The following PADI1 variants were observed in gnomAD, a reference collection of about 807,000 sequenced individuals.
PADI1 encodes peptidyl arginine deiminase 1.
Under a neutral mutation model 74.8 loss-of-function variants are expected in PADI1, and 65 were observed. The observed-to-expected ratio is 0.87, with a 90% CI of 0.71 to 1.07. PADI1 has a LOEUF of 1.07. Ranked by LOEUF, PADI1 falls within the 50% of genes least tolerant of loss-of-function variation. PADI1 has a pLI of 0.00. For missense variants in PADI1, 943 were observed against 854.0 expected (o/e 1.10, Z -1.30); for synonymous variants, 371 against 336.2 (o/e 1.10, Z -1.13).
rs765307163 is a variant in PADI1 at position 17,244,314 on chromosome 1, C to A, written c.*71C>A. 8.8e-7 allele frequency: 1 copy of A among 1,134,412 alleles called. No individual in the cohort carries two copies. The highest frequency in any genetic ancestry group is 1.3e-6 in the Non-Finnish European group (1 of 744,698). 70.3% of individuals were successfully genotyped at this position (1,134,412 alleles called of 1,614,324 possible). ...CTGCCAGGGTGAAGGCAAGGAACAA[C>A]CACCTGGCCTCCATTCTCTTGGGGG... On this transcript the variant is annotated 3_prime_UTR_variant, in exon 16 of 16. Coordinates refer to ENST00000375471, the MANE Select transcript of PADI1 (RefSeq NM_013358.3).
chr1:17,243,987 C>T (rs2072828396), intron 15 of PADI1, 23 bp from the exon 16 acceptor site: 1 of 1,554,436 alleles, frequency 6.4e-7, no homozygotes, highest in African/African-American at 1.4e-5. Context: ...GACAGCCTCC[C>T]TCTTGCCTTT....
Position 17,228,962 on chromosome 1 carries a change from G to T in PADI1, c.840G>T (p.Val280=). ...TTTCCCCTCAGACCCTGCCCGAGGTGACCCTCTTCACAGACACTGTGGGCT... is the reference window on the plus strand; with the variant it reads ...TTTCCCCTCAGACCCTGCCCGAGGTTACCCTCTTCACAGACACTGTGGGCT... ...SLVDPGTLPE[V]TLFTDTVGFR... The change falls in exon 8 of 16, where the codon GTG becomes GTT. Residue 280 remains valine (V), a synonymous_variant. Coordinates refer to ENST00000375471, the MANE Select transcript of PADI1 (RefSeq NM_013358.3). The T allele has an allele frequency of 5.6e-6, 9 of 1,599,676 alleles. No homozygotes were observed. The highest frequency in any genetic ancestry group is 7.7e-6 in the Non-Finnish European group (9 of 1,172,270).
Position 17,224,399 on chromosome 1 carries a change from G to T in PADI1, c.379G>T (p.Gly127Cys). 3.7e-6 allele frequency: 6 copies of T among 1,614,030 alleles called. No homozygotes were observed. Among genetic ancestry groups the T allele is most frequent in the Non-Finnish European group, 5.1e-6 (6 of 1,179,952 alleles). ...CCTTGAGGTTGACACAGGCCGCACAGGCAAGGTGAAGAGGAGCCAAGGGGA... is the reference window on the plus strand; with the variant it reads ...CCTTGAGGTTGACACAGGCCGCACATGCAAGGTGAAGAGGAGCCAAGGGGA... Reference protein sequence around the residue: ...ISLEVDTGRTGKVKRSQGDKK... With the variant: ...ISLEVDTGRTCKVKRSQGDKK... The change falls in exon 4 of 16, where the codon GGC (glycine) becomes TGC (cysteine). Residue 127 changes from glycine to cysteine, a missense_variant. By Grantham distance (159) the Gly-to-Cys change is radical. Transcript: ENST00000375471.
intron 11 of PADI1, among the ~76,000 whole-genome samples, chr1:17,236,520 C>G (rs11203340): frequency 0.26 from 40,022 of 152,020 alleles, 5,435 homozygotes; most frequent in Middle Eastern, 0.31. Flanking sequence ...TGTGGGAGGC[C>G]GAGGTGGGGG....
intron 10 of PADI1, among the ~76,000 whole-genome samples, 185 bp downstream of exon 10, chr1:17,230,864 T>C (rs2072472245): frequency 6.6e-6 from 1 of 152,156 alleles, no homozygotes; most frequent in East Asian, 1.9e-4. Flanking sequence ...GAGGAAATGA[T>C]ATGCAAATCA....
At chr1:17,222,196 C>T (rs776894420) in intron 1 of PADI1, 94 bp from the exon 2 acceptor site, 79 of 851,978 alleles carry the variant, frequency 9.3e-5, no homozygotes, top group East Asian at 3.1e-4. Context: ...GCCATTTGAA[C>T]GGCCTGGCAG....
At chr1:17,230,954 T>C (rs1192142580) in intron 10 of PADI1, among the ~76,000 whole-genome samples, 3 of 152,162 alleles carry the variant, frequency 2.0e-5, no homozygotes. Flanking sequence ...AGGCGGCTGG[T>C]CACCAAGGGG....
At position 17,229,533 on chromosome 1, in the gene PADI1, G is replaced by A. The variant is rs190220891; in HGVS notation, c.929+482G>A. 1.0e-3 allele frequency among the ~76,000 whole-genome samples: 158 copies of A among 152,286 alleles called. 1 individual carries two copies. Among genetic ancestry groups the A allele is most frequent in the African/African-American group, 3.5e-3 (146 of 41,550 alleles). On this transcript the variant is annotated intron_variant, in intron 8 of 15. Coordinates refer to ENST00000375471, the MANE Select transcript of PADI1 (RefSeq NM_013358.3). ...TGCCCTTGAGGGAAGGATCAGCCTC[G>A]ATTGGCAAAGCCCTGCCAGGCCTCT...
chr1:17,231,751 C>G (rs979732833), intron 10 of PADI1, among the ~76,000 whole-genome samples: 17 of 147,638 alleles, frequency 1.2e-4, no homozygotes, highest in Admixed American at 2.0e-4. Context: ...ATGTTTCAGC[C>G]TTTTCTTTTT....
rs991787403 is a variant in PADI1, at chr1:17,230,227, T to C, written c.1053+19T>C. 6 of 1,609,210 alleles carry C rather than the reference T, an allele frequency of 3.7e-6. No individual in the cohort carries two copies. The highest frequency in any genetic ancestry group is 1.7e-4 in the Middle Eastern group (1 of 6,056). ...GATCCAGGTGGGAGCTGGGGGCAGC[T>C]CGGGAAGCCTGCAGCCTGGCTTGGG... On this transcript the variant is annotated intron_variant, in intron 9 of 15. Coordinates refer to ENST00000375471, the MANE Select transcript of PADI1 (RefSeq NM_013358.3).
intron 2 of PADI1, among the ~76,000 whole-genome samples, chr1:17,222,779 C>T (rs2072194242): frequency 6.6e-6 from 1 of 152,196 alleles, no homozygotes; most frequent in Admixed American, 6.5e-5. Flanking sequence ...ACACACGGAC[C>T]CAGCAAGATG....
chr1:17,227,983 T>C (rs2072370078), intron 6 of PADI1, among the ~76,000 whole-genome samples: 1 of 152,200 alleles, frequency 6.6e-6, no homozygotes, highest in African/African-American at 2.4e-5. Flanking sequence ...CATGAATCAG[T>C]GCTTCATTAC....
rs1442477804 is a variant in PADI1 at position 17,237,458 on chromosome 1, G to A, written c.1458G>A (p.Lys486=). 2.5e-6 allele frequency: 4 copies of A among 1,608,140 alleles called. No individual in the cohort carries two copies. In the Admixed American group the frequency reaches 6.7e-5, roughly 27 times the overall value. The change falls in exon 12 of 16, where the codon AAG becomes AAA. Residue 486 remains lysine, a splice_region_variant and synonymous_variant. Transcript: ENST00000375471. ...CCTTTGTGCCTACCTCTGACCAAAA[G>A]GTGCGTCCCCTCCTTCCCTGCCTGA... is the stretch of plus-strand genomic sequence containing the variant. ...FLTFVPTSDQ[K]GFRLLLASPS...
intron 11 of PADI1, among the ~76,000 whole-genome samples, chr1:17,234,151 T>C (rs12026071): frequency 0.16 from 24,904 of 151,952 alleles, 2,397 homozygotes; most frequent in Middle Eastern, 0.22. Flanking sequence ...TTGGGATGAG[T>C]CCCCCAAACC....
chr1:17,227,558 TAAATAAATA>T (rs1557468449), intron 6 of PADI1, among the ~76,000 whole-genome samples: 3 of 151,300 alleles, frequency 2.0e-5, no homozygotes, highest in African/African-American at 7.3e-5. Context: ...AATAAATAAA[TAAATAAATA>T]AATAAATAAA....
intron 1 of PADI1, among the ~76,000 whole-genome samples, chr1:17,214,788 C>T (rs995041304): frequency 3.3e-4 from 51 of 152,320 alleles, no homozygotes; most frequent in Non-Finnish European, 1.5e-5. Flanking sequence ...GATCTGGGCA[C>T]CTGAGAGATA....
chr1:17,209,292 G>A (rs574144792), intron 1 of PADI1, among the ~76,000 whole-genome samples: 2 of 152,300 alleles, frequency 1.3e-5, no homozygotes, highest in South Asian at 2.1e-4. Flanking sequence ...TCCTGTCACT[G>A]TGTCACTGCA....
intron 1 of PADI1, among the ~76,000 whole-genome samples, chr1:17,219,289 T>G (rs1268968421): frequency 6.6e-6 from 1 of 151,332 alleles, no homozygotes; most frequent in Non-Finnish European, 1.5e-5. Flanking sequence ...AGAGGGAACA[T>G]GAGGGATGAG....
intron 2 of PADI1, 95 bp from the exon 3 acceptor site, chr1:17,223,526 C>A: frequency 9.8e-7 from 1 of 1,022,586 alleles, no homozygotes; most frequent in Non-Finnish European, 1.5e-6. Flanking sequence ...CCTCCTGTGC[C>A]TCTAAGTAGG....
Sources: allele counts gnomAD v4.1 joint callset (sites outside exome capture counted in the v4.1 genomes callset), GRCh38; gene constraint gnomAD v4.1.1; transcripts MANE v1.5; gene names NCBI Gene and HGNC (gene_info 2026-07-23, HGNC 2026-07-21).